NRDC: variants seen among roughly 807,000 people sequenced by gnomAD.
NRDC encodes nardilysin.
Under a neutral mutation model 147.1 loss-of-function variants are expected in NRDC, and 54 were observed. That is an observed-to-expected ratio of 0.37 (90% CI 0.29 to 0.46). The LOEUF is 0.46. NRDC is among the 20% of genes least tolerant of loss of function. The probability of loss-of-function intolerance (pLI) is 1.00; values close to 1 mark genes in which losing one functional copy is unlikely to be tolerated. For synonymous variants in NRDC, 440 were observed against 482.1 expected, an observed-to-expected ratio of 0.91 and a Z score of 1.14; for missense variants, 1,082 against 1,370.6, an observed-to-expected ratio of 0.79 and a Z score of 3.33.
In NRDC at chr1:51,792,358, A is replaced by T; in HGVS notation, c.2823+19T>A. 2 of 1,613,662 alleles carry T rather than the reference A, an allele frequency of 1.2e-6. No homozygotes were observed. The highest frequency in any genetic ancestry group is 1.7e-6 in the Non-Finnish European group (2 of 1,179,592). On this transcript the variant is annotated intron_variant, in intron 25 of 30. Coordinates refer to ENST00000352171, the MANE Select transcript of NRDC (RefSeq NM_001101662.2). ...GTCAGGGGCTGCTGAAAACCTCAGC[A>T]TCTCCTTTATGCACTTACCACAAGC... is the stretch of plus-strand genomic sequence containing the variant.
intron 1 of NRDC, among the ~76,000 whole-genome samples, chr1:51,872,671 T>G (rs866231973): frequency 6.7e-4 from 102 of 152,288 alleles, no homozygotes; most frequent in African/African-American, 2.4e-3. Context: ...ACCACTGCAC[T>G]CCAGCCTGGG....
At chr1:51,840,823 T>C (rs1305960681) in intron 1 of NRDC, among the ~76,000 whole-genome samples, 3 of 152,226 alleles carry the variant, frequency 2.0e-5, no homozygotes, top group Non-Finnish European at 4.4e-5. Flanking sequence ...GCTAAAGATA[T>C]GCAACTCACC....
intron 8 of NRDC, among the ~76,000 whole-genome samples, chr1:51,820,785 G>GA (rs1352195264): frequency 6.6e-6 from 1 of 151,998 alleles, no homozygotes; most frequent in Non-Finnish European, 1.5e-5. Context: ...TCTGATGCAA[G>GA]AAAAAATATC....
intron 1 of NRDC, among the ~76,000 whole-genome samples, chr1:51,849,203 A>T (rs1035536067): frequency 6.6e-6 from 1 of 151,388 alleles, no homozygotes; most frequent in African/African-American, 2.4e-5. Flanking sequence ...TGGCTAACAC[A>T]GTGAAACCCC....
chr1:51,839,953 T>A (rs767353798), intron 2 of NRDC: 116 of 262,128 alleles, frequency 4.4e-4, no homozygotes, highest in Non-Finnish European at 7.2e-4. Flanking sequence ...TAAATTCAAA[T>A]ACCTCTGAGT....
intron 21 of NRDC, among the ~76,000 whole-genome samples, chr1:51,799,711 G>T (rs12041812): frequency 0.011 from 1,741 of 152,214 alleles, 68 homozygotes; most frequent in East Asian, 0.094. Context: ...TCTGATTCAC[G>T]CAAAAGTATC....
chr1:51,861,649 A>G (rs961742590), intron 1 of NRDC, among the ~76,000 whole-genome samples: 3 of 152,128 alleles, frequency 2.0e-5, no homozygotes, highest in East Asian at 1.9e-4. Context: ...GCCTGGCTAC[A>G]TGAGAAAGAT....
In NRDC at chr1:51,836,147, T is replaced by A. The variant is rs769068525; in HGVS notation, c.696A>T (p.Ala232=). 4.8e-5 allele frequency: 77 copies of A among 1,614,006 alleles called. No individual in the cohort carries two copies. Among genetic ancestry groups the A allele is most frequent in the Non-Finnish European group, 5.1e-6 (6 of 1,180,010 alleles). ...FADPDDLPGL[A]HFLEHMVFMG... Reference sequence around the variant, plus strand: ...AATTCTTACTGTGCTCCAAAAAGTGTGCCAGCCCCGGCAGGTCATCTGGAT... The same window carrying A: ...AATTCTTACTGTGCTCCAAAAAGTGAGCCAGCCCCGGCAGGTCATCTGGAT... Residue 232 remains alanine, a synonymous_variant, in exon 3 of 31, where the codon GCA becomes GCT. Transcript: ENST00000352171.
intron 1 of NRDC, among the ~76,000 whole-genome samples, chr1:51,856,683 T>C (rs985463987): frequency 2.0e-5 from 3 of 152,088 alleles, no homozygotes; most frequent in African/African-American, 7.2e-5. Flanking sequence ...AACCTAGTCC[T>C]CCTGGGTTTT....
At chr1:51,877,855 C>A (rs1310128701) in intron 1 of NRDC, 1 of 226,698 alleles carries the variant, frequency 4.4e-6, no homozygotes, top group Non-Finnish European at 7.6e-6. Flanking sequence ...ACTAGTTTCA[C>A]CTATCACTTA....
intron 1 of NRDC, among the ~76,000 whole-genome samples, chr1:51,866,658 A>G (rs1475104571): frequency 1.3e-5 from 2 of 152,054 alleles, no homozygotes; most frequent in African/African-American, 4.8e-5. Context: ...AATTACACTT[A>G]TTGACATGGA....
At chr1:51,809,510 A>G in intron 16 of NRDC, 109 bp from the exon 17 acceptor site, 2 of 807,466 alleles carry the variant, frequency 2.5e-6, no homozygotes, top group Non-Finnish European at 4.3e-6. Flanking sequence ...CTTTCTCAGG[A>G]ATACTGTGAC....
chr1:51,792,541 G>A, intron 24 of NRDC, 117 bp from the exon 25 acceptor site: 1 of 844,858 alleles, frequency 1.2e-6, no homozygotes. Context: ...TCCCCCAAGA[G>A]AGTTAATCAT....
chr1:51,847,852 G>A (rs998782332), intron 1 of NRDC, among the ~76,000 whole-genome samples: 1 of 152,252 alleles, frequency 6.6e-6, no homozygotes, highest in African/African-American at 2.4e-5. Flanking sequence ...CTCAAGCACA[G>A]CCAGAGTGGG....
Position 51,814,533 on chromosome 1 carries a change from C to A in NRDC, c.1619+18G>T. The stretch of plus-strand genomic sequence containing the variant: ...ACCAGGACTGGCTCCTGGCCTCATT[C>A]CAGGAAGTGTTTATTACCTTTTTTC... On this transcript the variant is annotated intron_variant, in intron 13 of 30. Transcript: ENST00000352171. 1.9e-6 allele frequency: 3 copies of A among 1,611,512 alleles called. No individual in the cohort carries two copies. Among genetic ancestry groups the A allele is most frequent in the Non-Finnish European group, 2.5e-6 (3 of 1,177,964 alleles).
At chr1:51,834,701 T>A (rs919947389) in intron 3 of NRDC, among the ~76,000 whole-genome samples, 1 of 152,130 alleles carries the variant, frequency 6.6e-6, no homozygotes, top group Non-Finnish European at 1.5e-5. Flanking sequence ...AAAAATTTCA[T>A]CTTTAAAGAA....
intron 1 of NRDC, among the ~76,000 whole-genome samples, chr1:51,857,849 C>A (rs1682328833): frequency 6.6e-6 from 1 of 151,988 alleles, no homozygotes; most frequent in Non-Finnish European, 1.5e-5. Flanking sequence ...TTTCTTGTAC[C>A]CTTAGGTAGG....
In NRDC at chr1:51,840,630, C is replaced by A. The variant is rs187762761; in HGVS notation, c.342-116G>T. On this transcript the variant is annotated intron_variant, in intron 1 of 30. Transcript: ENST00000352171. ...ATCCAAGTAAAAGTACAAACACACA[C>A]ACACACAACTATTTGTAAACTAATA... The A allele has an allele frequency of 8.7e-6, 6 of 685,726 alleles. No homozygotes were observed. The East Asian group carries it at 1.6e-4, about 18-fold the overall frequency. 42.5% of individuals were successfully genotyped at this position (685,726 alleles called of 1,614,324 possible).
chr1:51,857,060 G>A (rs1682288789), intron 1 of NRDC, among the ~76,000 whole-genome samples: 1 of 152,314 alleles, frequency 6.6e-6, no homozygotes, highest in Non-Finnish European at 1.5e-5. Context: ...TACAAGACAG[G>A]AACAGTGGAT....
Sources: gnomAD v4.1 joint callset for allele counts (sites outside exome capture counted in the v4.1 genomes callset) on GRCh38, gnomAD v4.1.1 for gene constraint, MANE v1.5 for transcripts, NCBI Gene and HGNC (gene_info 2026-07-23, HGNC 2026-07-21) for gene names.